Variants in CTNNA3 observed in about 807,000 individuals in gnomAD.
CTNNA3 encodes the protein catenin alpha 3.
A neutral mutation model predicts 95.7 loss-of-function variants in CTNNA3; 76 were observed. That is an observed-to-expected ratio of 0.79 (90% confidence interval 0.66 to 0.96). The LOEUF (loss-of-function observed/expected upper bound fraction) is 0.96, where lower values mean the gene tolerates loss of function less well. Ranked by LOEUF, CTNNA3 falls within the 40% of genes least tolerant of loss-of-function variation. The pLI is 0.00. For missense variants in CTNNA3, 1,191 were observed against 1,089.8 expected, an observed-to-expected ratio of 1.09 and a Z score of -1.31; for synonymous variants, 431 against 374.4, an observed-to-expected ratio of 1.15 and a Z score of -1.74.
intron 11 of CTNNA3, among the ~76,000 whole-genome samples, chr10:66,469,365 G>A (rs1839045080): frequency 6.6e-6 from 1 of 151,866 alleles, no homozygotes; most frequent in Non-Finnish European, 1.5e-5. Flanking sequence ...TAGAGAATAA[G>A]CAGAGGTCCT....
intron 5 of CTNNA3, among the ~76,000 whole-genome samples, chr10:67,368,118 G>A (rs975033011): frequency 3.3e-5 from 5 of 151,974 alleles, no homozygotes; most frequent in African/African-American, 9.7e-5. Context: ...GAAAATATTC[G>A]AAAAATAAAT....
intron 7 of CTNNA3, among the ~76,000 whole-genome samples, chr10:67,093,141 A>G (rs906237893): frequency 2.0e-5 from 3 of 147,868 alleles, no homozygotes; most frequent in Admixed American, 1.3e-4. Flanking sequence ...TCTCAGAAAG[A>G]TATGACAAGA....
At chr10:66,850,336 T>A (rs1466674044) in intron 7 of CTNNA3, among the ~76,000 whole-genome samples, 1 of 152,182 alleles carries the variant, frequency 6.6e-6, no homozygotes, top group Non-Finnish European at 1.5e-5. Flanking sequence ...GCTACGTGCC[T>A]ATGGGACACA....
chr10:66,117,800 A>G (rs2082401736), intron 13 of CTNNA3, among the ~76,000 whole-genome samples: 1 of 152,222 alleles, frequency 6.6e-6, no homozygotes. Flanking sequence ...TAATAAAATT[A>G]TAGAATGCCA....
intron 7 of CTNNA3, among the ~76,000 whole-genome samples, chr10:66,885,258 C>G (rs956702010): frequency 6.6e-6 from 1 of 152,106 alleles, no homozygotes; most frequent in African/African-American, 2.4e-5. Flanking sequence ...TTCAGCAGGA[C>G]TTTTAAAGTC....
chr10:66,403,171 C>A (rs1306488475), intron 11 of CTNNA3, among the ~76,000 whole-genome samples: 1 of 152,104 alleles, frequency 6.6e-6, no homozygotes, highest in Non-Finnish European at 1.5e-5. Context: ...TTTACCCTTG[C>A]CTTTAGACAA....
At chr10:66,620,078 T>C (rs934783019) in intron 10 of CTNNA3, among the ~76,000 whole-genome samples, 1 of 152,130 alleles carries the variant, frequency 6.6e-6, no homozygotes, top group Admixed American at 6.6e-5. Flanking sequence ...TAAATATCTG[T>C]ATGTTGAATA....
At chr10:66,496,887 T>C (rs1202257845) in intron 11 of CTNNA3, among the ~76,000 whole-genome samples, 1 of 152,144 alleles carries the variant, frequency 6.6e-6, no homozygotes, top group Non-Finnish European at 1.5e-5. Flanking sequence ...TTCTGGAGGC[T>C]AGAAGTCTGA....
At chr10:67,266,614 C>G (rs1437348911) in intron 5 of CTNNA3, among the ~76,000 whole-genome samples, 2 of 151,924 alleles carry the variant, frequency 1.3e-5, no homozygotes, top group Non-Finnish European at 2.9e-5. Context: ...TGTAGCTGAC[C>G]CACAGTGAGT....
chr10:66,004,657 A>G (rs2078842641), intron 15 of CTNNA3, among the ~76,000 whole-genome samples: 1 of 152,208 alleles, frequency 6.6e-6, no homozygotes, highest in Non-Finnish European at 1.5e-5. Context: ...TGTTTTCTAT[A>G]ACATCTAAAG....
intron 15 of CTNNA3, among the ~76,000 whole-genome samples, chr10:66,013,701 G>A (rs1367197809): frequency 6.6e-6 from 1 of 152,168 alleles, no homozygotes; most frequent in Admixed American, 6.5e-5. Flanking sequence ...AGGTTGTAAA[G>A]TTTAATTTAG....
intron 7 of CTNNA3, among the ~76,000 whole-genome samples, chr10:67,079,658 G>A (rs1436037187): frequency 6.6e-6 from 1 of 152,002 alleles, no homozygotes; most frequent in Non-Finnish European, 1.5e-5. Context: ...GACCAGCCTG[G>A]CCAATATAGT....
intron 13 of CTNNA3, among the ~76,000 whole-genome samples, chr10:66,237,935 C>G (rs527320006): frequency 7.9e-5 from 12 of 152,020 alleles, no homozygotes; most frequent in African/African-American, 2.7e-4. Context: ...TAAATTTATT[C>G]TATGCATTTT....
At chr10:66,346,967 A>C (rs2092526897) in intron 12 of CTNNA3, among the ~76,000 whole-genome samples, 1 of 151,674 alleles carries the variant, frequency 6.6e-6, no homozygotes, top group Non-Finnish European at 1.5e-5. Flanking sequence ...TGTGAATATA[A>C]ATCTTCGGTA....
intron 5 of CTNNA3, among the ~76,000 whole-genome samples, chr10:67,458,896 T>C (rs1045259887): frequency 6.6e-6 from 1 of 152,128 alleles, no homozygotes; most frequent in East Asian, 1.9e-4. Flanking sequence ...AGTGAAACCA[T>C]ATCAATCCCC....
chr10:67,701,219 G>T (rs1169419571), intron 1 of CTNNA3, among the ~76,000 whole-genome samples: 1 of 152,220 alleles, frequency 6.6e-6, no homozygotes, highest in African/African-American at 2.4e-5. Context: ...TTATCCAGGA[G>T]ACCTTCCCCA....
At chr10:67,048,457 C>G (rs7096693) in intron 7 of CTNNA3, among the ~76,000 whole-genome samples, 98,129 of 151,874 alleles carry the variant, frequency 0.65, 32,148 homozygotes, top group East Asian at 0.78. Flanking sequence ...CATTCACTGT[C>G]AGGTACAAAA....
intron 5 of CTNNA3, among the ~76,000 whole-genome samples, chr10:67,478,837 A>G (rs1376952279): frequency 1.3e-5 from 2 of 149,204 alleles, no homozygotes; most frequent in Non-Finnish European, 1.5e-5. Context: ...CAAATTGGCA[A>G]GTTGAATTAA....
chr10:66,816,900 A>C (rs112146694), intron 7 of CTNNA3, among the ~76,000 whole-genome samples: 2,680 of 152,172 alleles, frequency 0.018, 91 homozygotes, highest in African/African-American at 0.061. Context: ...AATATGTGGA[A>C]ATTTAAAACA....
Sources: allele counts gnomAD v4.1 joint callset (sites outside exome capture counted in the v4.1 genomes callset), GRCh38; gene constraint gnomAD v4.1.1; transcripts MANE v1.5; gene names NCBI Gene and HGNC (gene_info 2026-07-23, HGNC 2026-07-21).